PLIN3: variants seen among roughly 807,000 people sequenced by gnomAD.
The protein encoded by PLIN3 is perilipin-3.
In PLIN3, 30 loss-of-function variants were observed where a neutral mutation model predicts 35.9. That is an observed-to-expected ratio of 0.84 (90% CI 0.62 to 1.13). The LOEUF is 1.13. Among genes scored for constraint, PLIN3 ranks in the 50% most tolerant of loss-of-function variants. The pLI is 0.00. For missense variants in PLIN3, 603 were observed against 596.9 expected (o/e 1.01, Z -0.11); for synonymous variants, 261 against 262.5 (o/e 0.99, Z 0.06).
chr19:4,862,059 T>C (rs262542), intron 1 of PLIN3, among the ~76,000 whole-genome samples: 83,408 of 150,766 alleles, frequency 0.55, 23,731 homozygotes, highest in Non-Finnish European at 0.61. Context: ...CTGCCTCAGC[T>C]TCCCAAGTAA....
chr19:4,851,057 C>T (rs929699551), intron 5 of PLIN3, among the ~76,000 whole-genome samples: 3 of 152,096 alleles, frequency 2.0e-5, no homozygotes, highest in Non-Finnish European at 2.9e-5. Context: ...CCCAGCTACT[C>T]GGAGGCTGAG....
chr19:4,866,120 C>T (rs969650517), intron 1 of PLIN3, among the ~76,000 whole-genome samples: 2 of 151,360 alleles, frequency 1.3e-5, no homozygotes, highest in African/African-American at 2.4e-5. Flanking sequence ...CAGGTTCAAG[C>T]GATTCTCCTG....
At chr19:4,844,067 G>C (rs1036078707) in intron 7 of PLIN3, among the ~76,000 whole-genome samples, 2 of 152,060 alleles carry the variant, frequency 1.3e-5, no homozygotes, top group Non-Finnish European at 2.9e-5. Flanking sequence ...TTTGCCCCTG[G>C]GGAGCTTAAG....
chr19:4,854,414 T>TTTTG (rs2030405364), intron 4 of PLIN3, among the ~76,000 whole-genome samples: 1 of 12,216 alleles, frequency 8.2e-5, no homozygotes, highest in Non-Finnish European at 1.8e-4. Context: ...TTTGTTTTTG[T>TTTTG]TTTTTTTTAC....
At chr19:4,858,188 G>A (rs560986205) in intron 4 of PLIN3, among the ~76,000 whole-genome samples, 148 of 143,510 alleles carry the variant, frequency 1.0e-3, no homozygotes, top group Non-Finnish European at 1.7e-3. Context: ...CAGGAGAATC[G>A]CTGGAACCCG....
chr19:4,851,782 TG>T (rs2030298824), intron 5 of PLIN3, among the ~76,000 whole-genome samples: 1 of 151,804 alleles, frequency 6.6e-6, no homozygotes, highest in Non-Finnish European at 1.5e-5. Context: ...CTGACTCAGG[TG>T]GTCACAGGCG....
intron 7 of PLIN3, 80 bp from the exon 8 acceptor site, chr19:4,839,616 G>T: frequency 8.7e-7 from 1 of 1,144,652 alleles, no homozygotes; most frequent in Non-Finnish European, 1.2e-6. Context: ...GGAAAGAGGG[G>T]AAGAGGGGTT....
intron 6 of PLIN3, 99 bp downstream of exon 6, chr19:4,847,592 G>C: frequency 1.0e-6 from 1 of 1,004,416 alleles, no homozygotes; most frequent in Non-Finnish European, 1.5e-6. Context: ...GGCCCTGCCA[G>C]CCTGCAGAGG....
Position 4,859,216 on chromosome 19 carries a change from A to G in PLIN3, c.348+374T>C, listed in dbSNP as rs2030582915. 2.0e-5 allele frequency among the ~76,000 whole-genome samples: 3 copies of G among 152,144 alleles called. No homozygotes were observed. The South Asian group carries it at 6.2e-4, about 31-fold the overall frequency. ...TAAATGGGCATGGCTGTGTGCCAAT[A>G]AAACTTTATTATAAAAACAAGTGGG... is the stretch of plus-strand genomic sequence containing the variant. On this transcript the variant is annotated intron_variant, in intron 4 of 7. Coordinates refer to ENST00000221957, the MANE Select transcript of PLIN3 (RefSeq NM_005817.5).
At chr19:4,843,777 A>G (rs1468062364) in intron 7 of PLIN3, among the ~76,000 whole-genome samples, 1 of 152,160 alleles carries the variant, frequency 6.6e-6, no homozygotes, top group Non-Finnish European at 1.5e-5. Flanking sequence ...GCGAGGCCAC[A>G]GTGACCTGTG....
intron 6 of PLIN3, among the ~76,000 whole-genome samples, chr19:4,846,363 A>G (rs1258455427): frequency 1.3e-5 from 2 of 148,442 alleles, no homozygotes; most frequent in South Asian, 2.1e-4. Context: ...GAAGCTATCC[A>G]TTAGGGTGGG....
chr19:4,839,823 G>A (rs113198040), intron 7 of PLIN3, among the ~76,000 whole-genome samples: 3,812 of 144,410 alleles, frequency 0.026, no homozygotes, highest in Middle Eastern at 0.077. Flanking sequence ...CCACCACCAC[G>A]CCAGGCTAAT....
intron 6 of PLIN3, 23 bp from the exon 7 acceptor site, chr19:4,844,816 G>T: frequency 6.4e-7 from 1 of 1,574,218 alleles, no homozygotes; most frequent in Non-Finnish European, 8.6e-7. Context: ...AGAGAGAAGT[G>T]AGGGAAGGAG....
At chr19:4,844,896 G>A in intron 6 of PLIN3, 103 bp from the exon 7 acceptor site, 1 of 1,327,650 alleles carries the variant, frequency 7.5e-7, no homozygotes, top group Non-Finnish European at 1.0e-6. Context: ...TTACATGACA[G>A]TCTAGAAAAG....
At chr19:4,845,707 G>C (rs1038123509) in intron 6 of PLIN3, among the ~76,000 whole-genome samples, 1 of 151,876 alleles carries the variant, frequency 6.6e-6, no homozygotes, top group African/African-American at 2.4e-5. Flanking sequence ...GGTGGATCAC[G>C]AGGTGAGGAG....
rs555560717 is a variant in PLIN3, at chr19:4,847,615, G to A, written c.834+76C>T. The A allele has an allele frequency of 7.8e-5, 98 of 1,253,040 alleles. 1 individual carries two copies. The South Asian group carries it at 1.2e-3, about 16-fold the overall frequency. 77.6% of individuals were successfully genotyped at this position (1,253,040 alleles called of 1,614,324 possible). ...CAGCCTGCAGAGGGGTGAGCAATAA[G>A]CCACTGAGCTCTGGGTGGGTGTCTG... On this transcript the variant is annotated intron_variant, in intron 6 of 7. Transcript: ENST00000221957.
intron 7 of PLIN3, among the ~76,000 whole-genome samples, chr19:4,842,020 G>T (rs2029908560): frequency 6.6e-6 from 1 of 151,660 alleles, no homozygotes; most frequent in Admixed American, 6.6e-5. Context: ...CATCCGGGGA[G>T]AACATAGTTG....
intron 2 of PLIN3, 35 bp from the exon 3 acceptor site, chr19:4,860,059 G>A: frequency 6.3e-7 from 1 of 1,591,944 alleles, no homozygotes; most frequent in Non-Finnish European, 8.6e-7. Context: ...AAACTGGGTG[G>A]GGGAAGATGG....
intron 6 of PLIN3, among the ~76,000 whole-genome samples, chr19:4,845,877 C>T (rs547885777): frequency 5.6e-4 from 78 of 139,590 alleles, no homozygotes; most frequent in African/African-American, 2.0e-3. Flanking sequence ...TGAGCAGAGA[C>T]TGCATGCCAC....
Sources: allele counts gnomAD v4.1 joint callset (sites outside exome capture counted in the v4.1 genomes callset), GRCh38; gene constraint gnomAD v4.1.1; transcripts MANE v1.5; gene names NCBI Gene and HGNC (gene_info 2026-07-23, HGNC 2026-07-21).